The following LPP variants were observed in gnomAD, a reference collection of about 807,000 sequenced individuals.
LPP encodes LIM domain containing preferred translocation partner in lipoma, also known as lipoma-preferred partner.
Under a neutral mutation model 60.4 loss-of-function variants are expected in LPP, and 38 were observed. That is an observed-to-expected ratio of 0.63 (90% CI 0.49 to 0.83). The LOEUF is 0.83. Among genes scored for constraint, LPP ranks in the 40% least tolerant of loss-of-function variants. The pLI, the probability that LPP is intolerant of heterozygous loss-of-function variation, is 0.00. For synonymous variants in LPP, 328 were observed against 290.8 expected, an observed-to-expected ratio of 1.13 and a Z score of -1.30; for missense variants, 902 against 783.6, an observed-to-expected ratio of 1.15 and a Z score of -1.80.
At chr3:188,592,026 C>T (rs1838823188) in intron 6 of LPP, among the ~76,000 whole-genome samples, 1 of 152,074 alleles carries the variant, frequency 6.6e-6, no homozygotes, top group Non-Finnish European at 1.5e-5. Context: ...TACTATTGCA[C>T]CTCCTCAAAT....
chr3:188,160,424 C>G (rs1273795139), intron 1 of LPP, among the ~76,000 whole-genome samples: 1 of 152,106 alleles, frequency 6.6e-6, no homozygotes, highest in Non-Finnish European at 1.5e-5. Flanking sequence ...GAACTCCTGA[C>G]CTCAGGTGAT....
intron 1 of LPP, among the ~76,000 whole-genome samples, chr3:188,163,205 C>T (rs1012211682): frequency 1.3e-5 from 2 of 152,144 alleles, no homozygotes; most frequent in Non-Finnish European, 2.9e-5. Context: ...TGCATCATAG[C>T]TGGAGATCCC....
intron 6 of LPP, among the ~76,000 whole-genome samples, chr3:188,536,116 C>T (rs561305049): frequency 6.7e-6 from 1 of 150,036 alleles, no homozygotes; most frequent in South Asian, 2.1e-4. Flanking sequence ...TCAAGCAATT[C>T]TCCCACCTCA....
At chr3:188,731,516 T>TTTTTGTTTTGTTTTG (rs71298537) in intron 8 of LPP, among the ~76,000 whole-genome samples, 51,600 of 145,582 alleles carry the variant, frequency 0.35, 10,212 homozygotes, top group East Asian at 0.72. Context: ...TTTTTTGTTT[T>TTTTTGTTTTGTTTTG]TTTTGTTTTG....
intron 2 of LPP, among the ~76,000 whole-genome samples, chr3:188,250,920 CTCCCTTCCCTTCCCTTCCCTTCCCT>C (rs1161657769): frequency 0.014 from 280 of 20,070 alleles, 8 homozygotes; most frequent in African/African-American, 0.021. Context: ...CCCTTCCTTC[CTCCCTTCCCTTCCCTTCCCTTCCCT>C]TCCCTTCCCT....
intron 3 of LPP, among the ~76,000 whole-genome samples, chr3:188,376,431 GTTGAA>G (rs1282601322): frequency 1.3e-5 from 2 of 152,150 alleles, no homozygotes; most frequent in Non-Finnish European, 2.9e-5. Context: ...AGCTCTTCTT[GTTGAA>G]TTGATCCCTT....
rs755671119 is a variant in LPP, at chr3:188,609,798, T to C, written c.1067T>C (p.Ile356Thr). Residue 356 changes from isoleucine to threonine, a missense_variant, in exon 7 of 12, where the codon ATC becomes ACC. By Grantham distance (89) the Ile-to-Thr change is moderately conservative (BLOSUM62 -1). Coordinates refer to ENST00000617246, the MANE Select transcript of LPP (RefSeq NM_001375462.1). This position sits in a 1 kb window ranked among gnomAD's most constrained non-coding sequence, Gnocchi z 6.9. ...YPVTGPKKTY[I>T]TDPVSAPCAP... ...GTCACTGGTCCCAAGAAGACCTATA[T>C]CACAGATCCTGTTTCAGCCCCCTGT... is the stretch of plus-strand genomic sequence containing the variant. 64 of 1,613,786 alleles carry C rather than the reference T, an allele frequency of 4.0e-5. No homozygotes were observed. Among genetic ancestry groups the C allele is most frequent in the South Asian group, 4.0e-4 (36 of 91,068 alleles).
At chr3:188,416,516 A>C (rs1786311908) in intron 4 of LPP, among the ~76,000 whole-genome samples, 1 of 152,168 alleles carries the variant, frequency 6.6e-6, no homozygotes, top group African/African-American at 2.4e-5. Flanking sequence ...CAGTGCCTTA[A>C]TCTCCTTTGA....
At chr3:188,316,132 G>A (rs1464668728) in intron 2 of LPP, among the ~76,000 whole-genome samples, 1 of 152,114 alleles carries the variant, frequency 6.6e-6, no homozygotes, top group African/African-American at 2.4e-5. Context: ...AAAAAAACCA[G>A]CCAGGCATGG....
intron 9 of LPP, among the ~76,000 whole-genome samples, chr3:188,826,107 TTCAGG>T (rs1341582571): frequency 1.3e-5 from 2 of 152,260 alleles, no homozygotes; most frequent in Admixed American, 6.5e-5. Context: ...CTTATTTTGG[TTCAGG>T]AGCAGCTGCA....
chr3:188,519,157 A>G (rs1171590944), intron 5 of LPP, among the ~76,000 whole-genome samples: 1 of 152,174 alleles, frequency 6.6e-6, no homozygotes, highest in African/African-American at 2.4e-5. Flanking sequence ...TAATTTAAAA[A>G]TCATGCAGTC....
At chr3:188,735,191 GTGTT>G (rs1019987821) in intron 8 of LPP, among the ~76,000 whole-genome samples, 1 of 151,952 alleles carries the variant, frequency 6.6e-6, no homozygotes, top group Non-Finnish European at 1.5e-5. Context: ...TGGTTGTTCT[GTGTT>G]TGTTTCAGGC....
At chr3:188,796,712 A>G (rs548850281) in intron 9 of LPP, among the ~76,000 whole-genome samples, 49 of 152,328 alleles carry the variant, frequency 3.2e-4, no homozygotes, top group African/African-American at 1.2e-3. Context: ...CTACTACATG[A>G]TTTAGTAGAA....
chr3:188,657,744 C>A (rs1853618050), intron 7 of LPP, among the ~76,000 whole-genome samples: 1 of 152,134 alleles, frequency 6.6e-6, no homozygotes, highest in African/African-American at 2.4e-5. Context: ...GCTTTTAATA[C>A]AATTGTTTCT....
At chr3:188,653,881 G>A (rs1179526905) in intron 7 of LPP, among the ~76,000 whole-genome samples, 2 of 152,172 alleles carry the variant, frequency 1.3e-5, no homozygotes, top group Non-Finnish European at 1.5e-5. Flanking sequence ...AATTGGTTGT[G>A]CCATCGTATC....
rs13079299 is a variant in LPP at position 188,299,542 on chromosome 3, G to A, written c.-66-42121G>A. ...CCCCTTAATAGGTTGGACAAGTCCC[G>A]TTAGGATAATTGGCTGTATGAATAT... On this transcript the variant is annotated intron_variant, in intron 2 of 11. Coordinates refer to ENST00000617246, the MANE Select transcript of LPP (RefSeq NM_001375462.1). 9.2e-5 allele frequency among the ~76,000 whole-genome samples: 14 copies of A among 152,208 alleles called. No individual in the cohort carries two copies. The East Asian group carries it at 1.3e-3, about 15-fold the overall frequency.
intron 9 of LPP, among the ~76,000 whole-genome samples, chr3:188,812,493 G>A (rs1350966674): frequency 5.7e-4 from 86 of 152,210 alleles, no homozygotes; most frequent in Non-Finnish European, 1.0e-4. Flanking sequence ...AAAATGACTA[G>A]AAGAACTGAA....
At chr3:188,250,764 TTC>T (rs1402609269) in intron 2 of LPP, among the ~76,000 whole-genome samples, 1 of 115,688 alleles carries the variant, frequency 8.6e-6, no homozygotes, top group African/African-American at 4.1e-5. Context: ...CTTTCTTTCT[TTC>T]TTTCTTTCTT....
intron 8 of LPP, among the ~76,000 whole-genome samples, chr3:188,753,986 A>C (rs1729218861): frequency 6.6e-6 from 1 of 152,336 alleles, no homozygotes; most frequent in Admixed American, 6.5e-5. Flanking sequence ...CACAGAGCTA[A>C]ATGGCAATAA....
Sources: gnomAD v4.1 joint callset for allele counts (sites outside exome capture counted in the v4.1 genomes callset) on GRCh38, gnomAD v4.1.1 for gene constraint, Gnocchi (gnomAD v3.1) non-coding constraint, MANE v1.5 for transcripts, NCBI Gene and HGNC (gene_info 2026-07-23, HGNC 2026-07-21) for gene names.